DHRS7B: variants seen among roughly 807,000 people sequenced by gnomAD.
DHRS7B encodes the protein dehydrogenase/reductase 7B, also known as peroxisomal reductase activating PPAR-gamma.
In DHRS7B, 24 loss-of-function variants were observed where a neutral mutation model predicts 26.4. The observed-to-expected ratio is 0.91, with a 90% CI of 0.66 to 1.28. The LOEUF is 1.28. Ranked by LOEUF, DHRS7B falls within the 50% of genes most tolerant of loss-of-function variation. The pLI is 0.00. For synonymous variants in DHRS7B, 142 were observed against 166.4 expected (o/e 0.85, Z 1.13); for missense variants, 368 against 419.4 (o/e 0.88, Z 1.07).
At chr17:21,164,030 C>CTTTTTTTTTTTTTTT (rs35189205) in intron 1 of DHRS7B, among the ~76,000 whole-genome samples, 2,927 of 96,534 alleles carry the variant, frequency 0.03, 507 homozygotes, top group African/African-American at 0.045. Flanking sequence ...AATTGTTGTG[C>CTTTTTTTTTTTTTTT]TTTTTTTTTT....
intron 5 of DHRS7B, among the ~76,000 whole-genome samples, chr17:21,187,096 T>G (rs1224714809): frequency 2.0e-5 from 3 of 147,140 alleles, no homozygotes; most frequent in South Asian, 2.1e-4. Context: ...TATTAAAAGA[T>G]ATATATATAT....
intron 1 of DHRS7B, among the ~76,000 whole-genome samples, chr17:21,155,341 C>T (rs1973856996): frequency 6.6e-6 from 1 of 152,152 alleles, no homozygotes; most frequent in African/African-American, 2.4e-5. Context: ...GTGGGAGTAG[C>T]TATATTTCTA....
chr17:21,180,392 C>A (rs1974490761), intron 3 of DHRS7B, among the ~76,000 whole-genome samples: 1 of 152,068 alleles, frequency 6.6e-6, no homozygotes, highest in Non-Finnish European at 1.5e-5. Flanking sequence ...AATTTTAAAT[C>A]TTACATTTAG....
At chr17:21,185,952 C>T (rs1210488000) in intron 5 of DHRS7B, among the ~76,000 whole-genome samples, 2 of 152,140 alleles carry the variant, frequency 1.3e-5, no homozygotes, top group Admixed American at 6.5e-5. Context: ...CCTCCCAAAG[C>T]GTTGAGATTA....
At chr17:21,165,258 G>A (rs1006150529) in intron 1 of DHRS7B, among the ~76,000 whole-genome samples, 1 of 152,096 alleles carries the variant, frequency 6.6e-6, no homozygotes, top group African/African-American at 2.4e-5. Context: ...GTCAGGGGTG[G>A]GTGCGGGGGG....
Position 21,188,704 on chromosome 17 carries a change from T to C in DHRS7B, c.620-7T>C, listed in dbSNP as rs1278150465. ...TCAGTCACCTGCCTCTCCGTCCACA[T>C]GTGTAGATGCAGCCTCCAAGCACGC... On this transcript the variant is annotated splice_region_variant and splice_polypyrimidine_tract_variant and intron_variant, in intron 5 of 6. Coordinates refer to ENST00000395511, the MANE Select transcript of DHRS7B (RefSeq NM_015510.5). 6 of 1,583,110 alleles carry C rather than the reference T, an allele frequency of 3.8e-6. No homozygotes were observed. Among genetic ancestry groups the C allele is most frequent in the Admixed American group, 1.8e-5 (1 of 56,510 alleles).
chr17:21,181,773 C>CA (rs1278891454), intron 3 of DHRS7B, among the ~76,000 whole-genome samples: 1 of 152,178 alleles, frequency 6.6e-6, no homozygotes, highest in Non-Finnish European at 1.5e-5. Flanking sequence ...TATAGAAACA[C>CA]AGCTGATTTT....
At chr17:21,138,131 C>CACACACACACAT (rs1310302508) in intron 1 of DHRS7B, among the ~76,000 whole-genome samples, 1 of 138,586 alleles carries the variant, frequency 7.2e-6, no homozygotes, top group Non-Finnish European at 1.5e-5. Flanking sequence ...CACACACACA[C>CACACACACACAT]ATATATTTAT....
At chr17:21,168,749 C>T (rs1179544776) in intron 1 of DHRS7B, 3 of 985,358 alleles carry the variant, frequency 3.0e-6, no homozygotes, top group African/African-American at 1.7e-5. Flanking sequence ...GCTCTCCCCA[C>T]AGACAGCGGC....
At chr17:21,154,515 T>G (rs771789787) in intron 1 of DHRS7B, among the ~76,000 whole-genome samples, 3 of 152,200 alleles carry the variant, frequency 2.0e-5, no homozygotes, top group Non-Finnish European at 4.4e-5. Context: ...AATTTGTTGC[T>G]GGTAGACCTG....
chr17:21,169,207 T>G (rs1442158588), intron 1 of DHRS7B, among the ~76,000 whole-genome samples: 1 of 152,116 alleles, frequency 6.6e-6, no homozygotes, highest in Non-Finnish European at 1.5e-5. Flanking sequence ...AACTGAAAGG[T>G]TTATGAAAAT....
intron 2 of DHRS7B, 140 bp downstream of exon 2, chr17:21,172,336 A>G (rs1888559806): frequency 9.5e-7 from 1 of 1,053,394 alleles, no homozygotes; most frequent in Admixed American, 2.0e-5. Flanking sequence ...GCCGGATGGC[A>G]CTGTCCTTGG....
intron 1 of DHRS7B, chr17:21,127,192 G>A: frequency 1.9e-6 from 1 of 534,450 alleles, no homozygotes; most frequent in Non-Finnish European, 3.1e-6. Flanking sequence ...CCCTGGCTCC[G>A]GCGAGTGCGT....
chr17:21,152,517 A>G (rs1420946547), intron 1 of DHRS7B, among the ~76,000 whole-genome samples: 1 of 152,164 alleles, frequency 6.6e-6, no homozygotes, highest in East Asian at 1.9e-4. Context: ...CTTCAGTGGG[A>G]CCCAGTCATG....
At chr17:21,152,102 A>G (rs574732575) in intron 1 of DHRS7B, among the ~76,000 whole-genome samples, 3 of 152,320 alleles carry the variant, frequency 2.0e-5, no homozygotes, top group African/African-American at 4.8e-5. Context: ...CTGCAGAACC[A>G]TCAGCCAATT....
rs2143821737 is a variant in DHRS7B at position 21,127,208 on chromosome 17, GGAAACCCGCC to G, written c.20+218_20+227del. 3 of 511,690 alleles carry G rather than the reference GGAAACCCGCC, an allele frequency of 5.9e-6. No individual in the cohort carries two copies. In the South Asian group the frequency reaches 9.5e-5, roughly 16 times the overall value. The allele number at this position is 511,690 out of a possible 1,614,324, so 31.7% of individuals were successfully genotyped here. On this transcript the variant is annotated intron_variant, in intron 1 of 6. Transcript: ENST00000395511. ...CCTGGCTCCGGCGAGTGCGTGGCGGGGAAACCCGCCTGTCGCCGAGGTGTCTTGAGTCCAG... is the reference window on the plus strand; with the variant it reads ...CCTGGCTCCGGCGAGTGCGTGGCGGGTGTCGCCGAGGTGTCTTGAGTCCAG...
chr17:21,174,440 C>T (rs949861036), intron 2 of DHRS7B, among the ~76,000 whole-genome samples: 4 of 152,242 alleles, frequency 2.6e-5, no homozygotes, highest in South Asian at 2.1e-4. Flanking sequence ...GGCGTGCCAG[C>T]GGCACTGGAC....
At position 21,132,905 on chromosome 17, in the gene DHRS7B, C is replaced by T. The variant is rs532611118; in HGVS notation, c.20+5914C>T. On this transcript the variant is annotated intron_variant, in intron 1 of 6. Transcript: ENST00000395511. ...TCCAGCTAAAGGATTTTTTTTTTTACATGACCCCCTATTTGATGCACTTAA... is the reference window on the plus strand; with the variant it reads ...TCCAGCTAAAGGATTTTTTTTTTTATATGACCCCCTATTTGATGCACTTAA... Among the ~76,000 whole-genome samples the T allele has an allele frequency of 1.4e-4, 21 of 151,592 alleles. No individual in the cohort carries two copies. The South Asian group carries it at 3.5e-3, about 25-fold the overall frequency.
intron 1 of DHRS7B, among the ~76,000 whole-genome samples, chr17:21,158,933 G>T (rs1317664817): frequency 6.7e-6 from 1 of 149,660 alleles, no homozygotes; most frequent in African/African-American, 2.5e-5. Context: ...AGTCTTTTCA[G>T]CAGATTGAAA....
Sources: allele counts gnomAD v4.1 joint callset (sites outside exome capture counted in the v4.1 genomes callset), GRCh38; gene constraint gnomAD v4.1.1; transcripts MANE v1.5; gene names NCBI Gene and HGNC (gene_info 2026-07-23, HGNC 2026-07-21).